FRMPD2: variants seen among roughly 807,000 people sequenced by gnomAD.
FRMPD2 encodes the protein FERM and PDZ domain-containing protein 2.
In FRMPD2, 96 loss-of-function variants were observed where a neutral mutation model predicts 140.1. The ratio of observed to expected loss-of-function variants is 0.69; its 90% CI spans 0.58 to 0.81. The LOEUF is 0.81. FRMPD2 is among the 40% of genes least tolerant of loss of function. The probability of loss-of-function intolerance (pLI) is 0.00; values close to 1 mark genes in which losing one functional copy is unlikely to be tolerated. For missense variants in FRMPD2, 1,240 were observed against 1,447.4 expected (o/e 0.86, Z 2.32); for synonymous variants, 449 against 547.6 (o/e 0.82, Z 2.52).
chr10:48,159,456 C>T (rs1837875799), intron 28 of FRMPD2, among the ~76,000 whole-genome samples: 3 of 151,398 alleles, frequency 2.0e-5, no homozygotes, highest in African/African-American at 7.3e-5. Flanking sequence ...CTGCTGCCTC[C>T]CTCACTCCCC....
chr10:48,259,631 TGTAA>T (rs929390759), intron 1 of FRMPD2, among the ~76,000 whole-genome samples: 17 of 138,468 alleles, frequency 1.2e-4, no homozygotes, highest in Non-Finnish European at 1.8e-4. Context: ...AATGTGTGTG[TGTAA>T]GTGTGTGTGT....
chr10:48,194,702 G>A (rs1406758894), intron 15 of FRMPD2, among the ~76,000 whole-genome samples: 6 of 152,090 alleles, frequency 3.9e-5, no homozygotes, highest in Non-Finnish European at 7.4e-5. Context: ...GCAGGAGAGG[G>A]GCTGCTTAGT....
chr10:48,185,030 C>A (rs1838645642), intron 18 of FRMPD2, 149 bp from the exon 19 acceptor site: 2 of 607,076 alleles, frequency 3.3e-6, no homozygotes, highest in South Asian at 4.4e-5. Context: ...AATAGAGGAT[C>A]TTTTCTACTT....
intron 12 of FRMPD2, among the ~76,000 whole-genome samples, chr10:48,221,059 T>C (rs1282944529): frequency 1.3e-5 from 2 of 152,162 alleles, no homozygotes; most frequent in Non-Finnish European, 2.9e-5. Context: ...AAAGTAGAAC[T>C]ACCATTTGAA....
chr10:48,201,506 T>G, intron 14 of FRMPD2, 122 bp from the exon 15 acceptor site: 1 of 710,286 alleles, frequency 1.4e-6, no homozygotes, highest in Admixed American at 2.6e-5. Flanking sequence ...CACGGGTGCA[T>G]GGCAGATGCT....
At position 48,187,564 on chromosome 10, in the gene FRMPD2, C is replaced by T. The variant is rs115923261; in HGVS notation, c.2166-272G>A. On this transcript the variant is annotated intron_variant, in intron 16 of 28. Transcript: ENST00000374201. The stretch of plus-strand genomic sequence containing the variant: ...GTAACTCTGGCTTCATATGAGCCTC[C>T]TACTATGTGCAAGATACGTGATCCT... Among the ~76,000 whole-genome samples the T allele has an allele frequency of 6.4e-3, 982 of 152,268 alleles. 7 individuals carry two copies. Among genetic ancestry groups the T allele is most frequent in the African/African-American group, 0.022 (895 of 41,560 alleles).
chr10:48,175,380 G>A (rs1471650128), intron 23 of FRMPD2, among the ~76,000 whole-genome samples: 2 of 152,072 alleles, frequency 1.3e-5, no homozygotes, highest in African/African-American at 4.8e-5. Context: ...ATGGAGATAA[G>A]TAAGATCCTA....
At chr10:48,225,592 C>T (rs1249676983) in intron 10 of FRMPD2, among the ~76,000 whole-genome samples, 5 of 152,236 alleles carry the variant, frequency 3.3e-5, no homozygotes, top group African/African-American at 1.2e-4. Context: ...CTGGGATGCA[C>T]CTGTAGTCCT....
Position 48,192,889 on chromosome 10 carries a change from C to T in FRMPD2, c.1960G>A (p.Asp654Asn). ...GQPSHVLFDH[D>N]KFVQMANLSP... Reference sequence around the variant, plus strand: ...AAATTGGCCATTTGCACAAACTTATCATGGTCTGAATTTGGGGAGAAAAAC... The same window carrying T: ...AAATTGGCCATTTGCACAAACTTATTATGGTCTGAATTTGGGGAGAAAAAC... Residue 654 changes from aspartate to asparagine, a missense_variant, in exon 16 of 29, where the codon GAT (aspartate) becomes AAT (asparagine). Asp to Asn is a conservative substitution (Grantham distance 23). Coordinates refer to ENST00000374201, the MANE Select transcript of FRMPD2 (RefSeq NM_001018071.4). 1.2e-6 allele frequency: 2 copies of T among 1,612,898 alleles called. No homozygotes were observed. The highest frequency in any genetic ancestry group is 1.7e-6 in the Non-Finnish European group (2 of 1,179,530).
chr10:48,262,824 G>T (rs1840616615), intron 1 of FRMPD2, among the ~76,000 whole-genome samples: 1 of 151,956 alleles, frequency 6.6e-6, no homozygotes, highest in African/African-American at 2.4e-5. Context: ...GCCCAGCCTG[G>T]AGTACAGTGG....
Position 48,249,118 on chromosome 10 carries a change from G to A in FRMPD2, c.212C>T (p.Ser71Phe), listed in dbSNP as rs769592505. Residue 71 changes from serine (S) to phenylalanine (F), a missense_variant, in exon 3 of 29, where the codon TCT (serine) becomes TTT (phenylalanine). Around this residue, in one of 6 missense-constraint regions of FRMPD2, gnomAD observed 1,161 missense variants for 1,055.9 expected, o/e 1.10. Transcript: ENST00000374201. ...SALLSAAGSL[S>F]FQGRVSHIEA... Reference sequence around the variant, plus strand: ...TATATGAGAAACACGGCCTTGGAAAGAAAGGCTTCCAGCTGCAGAAAGCAG... The same window carrying A: ...TATATGAGAAACACGGCCTTGGAAAAAAAGGCTTCCAGCTGCAGAAAGCAG... 1.2e-6 allele frequency: 2 copies of A among 1,614,136 alleles called. No individual in the cohort carries two copies. The highest frequency in any genetic ancestry group is 1.1e-5 in the South Asian group (1 of 91,080).
intron 10 of FRMPD2, among the ~76,000 whole-genome samples, chr10:48,229,601 T>C (rs1025611738): frequency 1.6e-4 from 25 of 152,274 alleles, no homozygotes; most frequent in Non-Finnish European, 3.5e-4. Context: ...GTTATATTTA[T>C]AAATATAGTT....
chr10:48,211,927 C>A, intron 13 of FRMPD2, 27 bp downstream of exon 13: 1 of 1,607,136 alleles, frequency 6.2e-7, no homozygotes, highest in Non-Finnish European at 8.5e-7. Context: ...AAGACCAACA[C>A]CTCTCTCCAG....
chr10:48,190,000 C>T (rs559088370), intron 16 of FRMPD2, among the ~76,000 whole-genome samples: 1 of 152,290 alleles, frequency 6.6e-6, no homozygotes, highest in African/African-American at 2.4e-5. Context: ...TGAATAACTT[C>T]ATTGAGGTCA....
chr10:48,271,276 T>A (rs1840761981), intron 1 of FRMPD2, among the ~76,000 whole-genome samples: 1 of 152,194 alleles, frequency 6.6e-6, no homozygotes, highest in Non-Finnish European at 1.5e-5. Flanking sequence ...GCTGAATGAC[T>A]CAGTAAATTA....
intron 9 of FRMPD2, among the ~76,000 whole-genome samples, chr10:48,232,544 G>T (rs1424047174): frequency 6.6e-6 from 1 of 152,134 alleles, no homozygotes; most frequent in African/African-American, 2.4e-5. Flanking sequence ...GGCTCAGCAG[G>T]GGCCAGGAAA....
chr10:48,242,954 T>C (rs17697566), intron 4 of FRMPD2, among the ~76,000 whole-genome samples: 13,309 of 152,284 alleles, frequency 0.087, 751 homozygotes, highest in South Asian at 0.13. Context: ...CCACAATTCA[T>C]AGGAGAAAGT....
chr10:48,273,109 A>G (rs1288442721), intron 1 of FRMPD2, among the ~76,000 whole-genome samples: 1 of 152,120 alleles, frequency 6.6e-6, no homozygotes, highest in African/African-American at 2.4e-5. Context: ...TTTATAATGA[A>G]CTTATTAGAT....
chr10:48,242,198 C>G lies in FRMPD2; in HGVS notation c.530G>C (p.Arg177Thr). ...VYPAPAGLHI[R>T]RLVGLVLGTI... ...ACCCAGAACCAAGCCAACCAGCCTT[C>G]TGATGTGGAGACCAGCAGGGGCTGG... is the stretch of plus-strand genomic sequence containing the variant. The change falls in exon 5 of 29, where the codon AGA (arginine) becomes ACA (threonine). Residue 177 changes from arginine (R) to threonine (T), a missense_variant. By Grantham distance (71) the Arg-to-Thr change is moderately conservative. Coordinates refer to ENST00000374201, the MANE Select transcript of FRMPD2 (RefSeq NM_001018071.4). The G allele has an allele frequency of 1.2e-6, 2 of 1,614,056 alleles. No homozygotes were observed. The highest frequency in any genetic ancestry group is 1.7e-6 in the Non-Finnish European group (2 of 1,179,920).
Sources: gnomAD v4.1 joint callset for allele counts (sites outside exome capture counted in the v4.1 genomes callset) on GRCh38, gnomAD v4.1.1 for gene constraint, gnomAD v4.1.1 regional missense constraint, MANE v1.5 for transcripts, NCBI Gene and HGNC (gene_info 2026-07-23, HGNC 2026-07-21) for gene names.